The following FYB1 variants were observed in gnomAD, a reference collection of about 807,000 sequenced individuals.
The protein encoded by FYB1 is FYN-binding protein 1.
A neutral mutation model predicts 94.1 loss-of-function variants in FYB1; 41 were observed. The ratio of observed to expected loss-of-function variants is 0.44; its 90% CI spans 0.34 to 0.57. The LOEUF (loss-of-function observed/expected upper bound fraction) is 0.57, where lower values mean the gene tolerates loss of function less well. FYB1 is among the 20% of genes least tolerant of loss of function. The pLI, the probability that FYB1 is intolerant of heterozygous loss-of-function variation, is 0.02. For missense variants in FYB1, 1,050 were observed against 976.8 expected, an observed-to-expected ratio of 1.07 and a Z score of -1.00; for synonymous variants, 367 against 353.2, an observed-to-expected ratio of 1.04 and a Z score of -0.44.
upstream of FYB1, among the ~76,000 whole-genome samples, chr5:39,223,769 G>C (rs897619144): frequency 6.6e-6 from 1 of 152,216 alleles, no homozygotes; most frequent in Admixed American, 6.5e-5. Context: ...CCCTAGGTAA[G>C]AGAATTAGAG....
intron 2 of FYB1, among the ~76,000 whole-genome samples, chr5:39,163,394 C>T (rs1218799289): frequency 2.6e-5 from 4 of 152,082 alleles, no homozygotes; most frequent in Non-Finnish European, 5.9e-5. Flanking sequence ...ATAATCAAAG[C>T]TGAAATTAGA....
At chr5:39,203,066 C>G (rs1378954543) in intron 1 of FYB1, 79 bp from the exon 2 acceptor site, 34 of 1,294,488 alleles carry the variant, frequency 2.6e-5, no homozygotes, top group Non-Finnish European at 3.6e-5. Flanking sequence ...CCTTACAGAG[C>G]TTCCTGGTTT....
intron 3 of FYB1, among the ~76,000 whole-genome samples, chr5:39,141,542 C>G (rs575454758): frequency 3.0e-4 from 46 of 152,160 alleles, no homozygotes; most frequent in Non-Finnish European, 6.5e-4. Context: ...GTAATCCCAG[C>G]ACTTTGGGAA....
chr5:39,188,775 C>T (rs112718337), intron 2 of FYB1, among the ~76,000 whole-genome samples: 8,037 of 151,924 alleles, frequency 0.053, 748 homozygotes, highest in African/African-American at 0.18. Flanking sequence ...TCAGGTAATC[C>T]GCCCGTCTCA....
At chr5:39,253,621 T>C (rs1243795088) in intron 1 of FYB1, among the ~76,000 whole-genome samples, 3 of 152,014 alleles carry the variant, frequency 2.0e-5, no homozygotes, top group Admixed American at 6.5e-5. Context: ...AGGTATAGGA[T>C]TGTTACATAG....
At chr5:39,183,308 G>C (rs542273516) in intron 2 of FYB1, among the ~76,000 whole-genome samples, 2 of 152,020 alleles carry the variant, frequency 1.3e-5, no homozygotes, top group Non-Finnish European at 2.9e-5. Flanking sequence ...TTTAAGGTAC[G>C]ATTAAGCTCT....
intron 1 of FYB1, among the ~76,000 whole-genome samples, chr5:39,207,389 A>T (rs1579679890): frequency 6.6e-6 from 1 of 152,232 alleles, no homozygotes; most frequent in East Asian, 1.9e-4. Context: ...CTTCAGTGGT[A>T]TAAACTTTTA....
intron 1 of FYB1, among the ~76,000 whole-genome samples, chr5:39,247,997 G>A (rs1275101936): frequency 3.3e-5 from 5 of 151,806 alleles, no homozygotes; most frequent in African/African-American, 9.7e-5. Context: ...AAGCACATTG[G>A]TTACTCAAGT....
intron 1 of FYB1, among the ~76,000 whole-genome samples, chr5:39,232,836 C>T (rs188241516): frequency 1.7e-3 from 264 of 151,042 alleles, no homozygotes; most frequent in African/African-American, 6.1e-3. Flanking sequence ...TTTGTTCTTG[C>T]GATAGTTTAC....
intron 2 of FYB1, among the ~76,000 whole-genome samples, chr5:39,178,962 G>A (rs145303959): frequency 1.3e-5 from 2 of 152,140 alleles, no homozygotes; most frequent in African/African-American, 2.4e-5. Context: ...GGCTTTCCGC[G>A]GGCTGGGGCA....
Position 39,201,888 on chromosome 5 carries a change from G to A in FYB1, c.1073C>T (p.Pro358Leu). 3 of 1,613,986 alleles carry A rather than the reference G, an allele frequency of 1.9e-6. No individual in the cohort carries two copies. The highest frequency in any genetic ancestry group is 2.2e-5 in the East Asian group (1 of 44,878). Residue 358 changes from proline to leucine, a missense_variant, in exon 2 of 19, where the codon CCA (proline) becomes CTA (leucine). Pro to Leu is a moderately conservative substitution (Grantham distance 98). Coordinates refer to ENST00000512982, the MANE Select transcript of FYB1 (RefSeq NM_001465.6). ...PPLFTLGPPP[P>L]KPNRPPNVDL... The stretch of plus-strand genomic sequence containing the variant: ...AACATTTGGTGGTCTGTTGGGTTTT[G>A]GTGGAGGTGGACCCAAGGTAAACAA...
chr5:39,209,235 C>G (rs969981285), intron 1 of FYB1, among the ~76,000 whole-genome samples: 5 of 152,064 alleles, frequency 3.3e-5, no homozygotes, highest in Admixed American at 6.6e-5. Context: ...GTACTCCTGA[C>G]GAGACCCTTC....
chr5:39,194,060 A>T (rs558204158), intron 2 of FYB1, among the ~76,000 whole-genome samples: 21 of 152,220 alleles, frequency 1.4e-4, no homozygotes, highest in Non-Finnish European at 2.9e-4. Context: ...ATTGACACAG[A>T]CATATCCTGG....
chr5:39,264,202 A>C (rs996648045), intron 1 of FYB1, among the ~76,000 whole-genome samples: 2 of 152,178 alleles, frequency 1.3e-5, no homozygotes, highest in Non-Finnish European at 2.9e-5. Flanking sequence ...ATTCTTTTGC[A>C]TAGAGCTGCC....
chr5:39,165,224 A>G (rs1306580699), intron 2 of FYB1, among the ~76,000 whole-genome samples: 1 of 152,236 alleles, frequency 6.6e-6, no homozygotes, highest in African/African-American at 2.4e-5. Flanking sequence ...CCATCACATT[A>G]CCTGTCTTCA....
chr5:39,243,871 G>T (rs1399026711), intron 1 of FYB1, among the ~76,000 whole-genome samples: 1 of 152,120 alleles, frequency 6.6e-6, no homozygotes, highest in African/African-American at 2.4e-5. Context: ...CCCGTAAGTT[G>T]GGTTCCTAGG....
intron 1 of FYB1, among the ~76,000 whole-genome samples, chr5:39,263,602 C>G (rs186500585): frequency 6.6e-6 from 1 of 152,126 alleles, no homozygotes; most frequent in African/African-American, 2.4e-5. Context: ...TCACAGGGAA[C>G]CTTCTAGCTC....
At chr5:39,169,910 C>T (rs1238416392) in intron 2 of FYB1, 12 of 615,876 alleles carry the variant, frequency 1.9e-5, no homozygotes, top group Admixed American at 6.4e-5. Flanking sequence ...TTTTTGATTT[C>T]CACCCTCCCA....
intron 17 of FYB1, among the ~76,000 whole-genome samples, chr5:39,109,720 C>T (rs963228892): frequency 1.3e-5 from 2 of 152,014 alleles, no homozygotes; most frequent in South Asian, 2.1e-4. Context: ...TAATGGAGTT[C>T]GTTTCTTGCA....
Sources: gnomAD v4.1 joint callset for allele counts (sites outside exome capture counted in the v4.1 genomes callset) on GRCh38, gnomAD v4.1.1 for gene constraint, MANE v1.5 for transcripts, NCBI Gene and HGNC (gene_info 2026-07-23, HGNC 2026-07-21) for gene names.